The following DBNL variants were observed in gnomAD, a reference collection of about 807,000 sequenced individuals.
DBNL encodes drebrin like.
DBNL carries 35 observed loss-of-function variants against 62.2 expected under a neutral mutation model. That is an observed-to-expected ratio of 0.56 (90% confidence interval 0.43 to 0.75). The LOEUF is 0.75. Ranked by LOEUF, DBNL falls within the 30% of genes least tolerant of loss-of-function variation. DBNL has a pLI of 0.00. For missense variants in DBNL, 495 were observed against 578.4 expected, an observed-to-expected ratio of 0.86 and a Z score of 1.48; for synonymous variants, 197 against 218.0, an observed-to-expected ratio of 0.90 and a Z score of 0.85.
At chr7:44,049,219 C>T (rs763505547) in intron 1 of DBNL, among the ~76,000 whole-genome samples, 4 of 152,030 alleles carry the variant, frequency 2.6e-5, no homozygotes, top group African/African-American at 9.7e-5. Context: ...TGCAGTGGCG[C>T]GATCTTGGCT....
chr7:44,058,657 C>A, intron 8 of DBNL, 177 bp downstream of exon 8: 1 of 960,432 alleles, frequency 1.0e-6, no homozygotes. Flanking sequence ...AAGGCGGAAG[C>A]GTCGGGCTTG....
At chr7:44,050,173 A>G in intron 1 of DBNL, 52 bp from the exon 2 acceptor site, 1 of 1,593,258 alleles carries the variant, frequency 6.3e-7, no homozygotes, top group Non-Finnish European at 8.6e-7. Flanking sequence ...TACGGTGAGG[A>G]GAGATGGAAC....
Position 44,063,779 on chromosome 7 carries a change from A to C in DBNL, c.*2863A>C, listed in dbSNP as rs1008658808. On this transcript the variant is annotated 3_prime_UTR_variant, in exon 13 of 13. Coordinates refer to ENST00000448521, the MANE Select transcript of DBNL (RefSeq NM_001014436.3). ...ACCCCTGCTCCGTGCAGGAGGGTTT[A>C]AGAAAATGTTCTCTGGGGAGTCAGA... 2.6e-5 allele frequency: 4 copies of C among 152,428 alleles called. No homozygotes were observed. Among genetic ancestry groups the C allele is most frequent in the African/African-American group, 9.6e-5 (4 of 41,468 alleles). The allele number at this position is 152,428 out of a possible 1,614,324, so 9.4% of individuals were successfully genotyped here. A position where few individuals can be genotyped will look rare whatever the true frequency, so the allele number is the denominator to read the frequency against.
rs769419798 is a variant in DBNL, at chr7:44,060,945, C to T, written c.*29C>T. On this transcript the variant is annotated 3_prime_UTR_variant, in exon 13 of 13. Coordinates refer to ENST00000448521, the MANE Select transcript of DBNL (RefSeq NM_001014436.3). The surrounding 1 kb of genome is among the most constrained non-coding windows in gnomAD (Gnocchi z 6.3). Reference sequence around the variant, plus strand: ...TGAGGGCACATCTTGCCCTTCCCCTCTCAGACATGGCTTCCTTATTGCTGG... The same window carrying T: ...TGAGGGCACATCTTGCCCTTCCCCTTTCAGACATGGCTTCCTTATTGCTGG... 5 of 1,606,082 alleles carry T rather than the reference C, an allele frequency of 3.1e-6. No homozygotes were observed. Among genetic ancestry groups the T allele is most frequent in the Admixed American group, 1.7e-5 (1 of 59,202 alleles).
rs1215292984 is a variant in DBNL, at chr7:44,065,212, C to G, written c.*4296C>G. The G allele has an allele frequency of 1.9e-6, 3 of 1,613,964 alleles. No individual in the cohort carries two copies. Among genetic ancestry groups the G allele is most frequent in the Non-Finnish European group, 2.5e-6 (3 of 1,180,048 alleles). Reference sequence around the variant, plus strand: ...AGATCTTCACCTGCTCCTCCCCGTGCTTGGCGGCCGTTTCTGCCTTGTTGA... The same window carrying G: ...AGATCTTCACCTGCTCCTCCCCGTGGTTGGCGGCCGTTTCTGCCTTGTTGA... On this transcript the variant is annotated 3_prime_UTR_variant, in exon 13 of 13. Coordinates refer to ENST00000448521, the MANE Select transcript of DBNL (RefSeq NM_001014436.3).
chr7:44,055,614 G>A (rs990383084), intron 4 of DBNL, among the ~76,000 whole-genome samples: 17 of 152,326 alleles, frequency 1.1e-4, no homozygotes, highest in South Asian at 6.2e-4. Context: ...ACTGTGGTGA[G>A]ATGATAGCCC....
rs945477749 is a variant in DBNL, at chr7:44,064,088, C to T, written c.*3172C>T. 6.6e-6 allele frequency: 1 copy of T among 152,556 alleles called. No individual in the cohort carries two copies. The highest frequency in any genetic ancestry group is 1.5e-5 in the Non-Finnish European group (1 of 68,288). The allele number at this position is 152,556 out of a possible 1,614,324, so 9.5% of individuals were successfully genotyped here. On this transcript the variant is annotated 3_prime_UTR_variant, in exon 13 of 13. Coordinates refer to ENST00000448521, the MANE Select transcript of DBNL (RefSeq NM_001014436.3). ...CCCTTCTAGCCTTTCCAGGACTCAA[C>T]AAGCTTTAAGGTCATTCAGATGCTA...
chr7:44,063,165 G>A lies in DBNL; in HGVS notation c.*2249G>A, dbSNP rs2096152332. The A allele has an allele frequency of 1.8e-6, 1 of 570,078 alleles. No homozygotes were observed. Among genetic ancestry groups the A allele is most frequent in the East Asian group, 3.2e-5 (1 of 31,168 alleles). The allele number at this position is 570,078 out of a possible 1,614,324, so 35.3% of individuals were successfully genotyped here. On this transcript the variant is annotated 3_prime_UTR_variant, in exon 13 of 13. Transcript: ENST00000448521. ...AAATGGGGACTTCAGCCCCACCCAA[G>A]TGGCTGTGATCTGTGGTGGTGCTGT...
intron 4 of DBNL, among the ~76,000 whole-genome samples, chr7:44,055,203 C>T (rs1039104954): frequency 3.3e-5 from 5 of 152,210 alleles, no homozygotes; most frequent in Admixed American, 1.3e-4. Flanking sequence ...CGATGGCTCA[C>T]GCCTGTAATC....
intron 3 of DBNL, 84 bp downstream of exon 3, chr7:44,052,026 G>A: frequency 8.3e-7 from 1 of 1,207,936 alleles, no homozygotes; most frequent in Non-Finnish European, 1.2e-6. Context: ...CAGGAACAAA[G>A]TGTTTTACTG....
rs141587840 is a variant in DBNL, at chr7:44,067,354, T to C, written c.*6438T>C. ...CAAGTCACTTGCAGCTGTGTAGGAG[T>C]GGAAGTAGAAGCTGAGTACCCTGCA... On this transcript the variant is annotated 3_prime_UTR_variant, in exon 13 of 13. Transcript: ENST00000448521. The C allele has an allele frequency of 2.6e-5, 4 of 151,818 alleles. No homozygotes were observed. Among genetic ancestry groups the C allele is most frequent in the Admixed American group, 6.6e-5 (1 of 15,240 alleles). 9.4% of individuals were successfully genotyped at this position (151,818 alleles called of 1,614,324 possible).
At chr7:44,051,513 G>A (rs968918066) in intron 2 of DBNL, 4 of 214,030 alleles carry the variant, frequency 1.9e-5, no homozygotes, top group Non-Finnish European at 2.8e-5. Context: ...CTGGTTTGCC[G>A]TGGAAATGAC....
rs184239571 is a variant in DBNL, at chr7:44,045,559, G to A, written c.83+739G>A. Among the ~76,000 whole-genome samples the A allele has an allele frequency of 8.5e-5, 13 of 152,344 alleles. No individual in the cohort carries two copies. The East Asian group carries it at 2.5e-3, about 29-fold the overall frequency. On this transcript the variant is annotated intron_variant, in intron 1 of 12. Coordinates refer to ENST00000448521, the MANE Select transcript of DBNL (RefSeq NM_001014436.3). ...ACCAGTTTTGAGAAATCCCAGTTCTGAGAAATATGCTGAGTATGGTGGGCT... is the reference window on the plus strand; with the variant it reads ...ACCAGTTTTGAGAAATCCCAGTTCTAAGAAATATGCTGAGTATGGTGGGCT...
At chr7:44,049,858 T>A (rs58367038) in intron 1 of DBNL, 6,003 of 199,000 alleles carry the variant, frequency 0.03, 357 homozygotes, top group African/African-American at 0.13. Flanking sequence ...TCTCTTCAAA[T>A]CCATATACCT....
chr7:44,044,885 A>C, intron 1 of DBNL, 65 bp downstream of exon 1: 1 of 1,199,498 alleles, frequency 8.3e-7, no homozygotes, highest in Non-Finnish European at 1.1e-6. Flanking sequence ...GTCTGGGGCG[A>C]GCGGGGGACT....
Position 44,063,775 on chromosome 7 carries a change from G to A in DBNL, c.*2859G>A, listed in dbSNP as rs1375620545. On this transcript the variant is annotated 3_prime_UTR_variant, in exon 13 of 13. Coordinates refer to ENST00000448521, the MANE Select transcript of DBNL (RefSeq NM_001014436.3). ...CTCCACCCCTGCTCCGTGCAGGAGGGTTTAAGAAAATGTTCTCTGGGGAGT... is the reference window on the plus strand; with the variant it reads ...CTCCACCCCTGCTCCGTGCAGGAGGATTTAAGAAAATGTTCTCTGGGGAGT... The A allele has an allele frequency of 1.3e-5, 2 of 152,490 alleles. No homozygotes were observed. Among genetic ancestry groups the A allele is most frequent in the Non-Finnish European group, 2.9e-5 (2 of 68,238 alleles). 9.4% of individuals were successfully genotyped at this position (152,490 alleles called of 1,614,324 possible).
At position 44,063,028 on chromosome 7, in the gene DBNL, C is replaced by A; in HGVS notation, c.*2112C>A. 1 of 1,317,342 alleles carries A rather than the reference C, an allele frequency of 7.6e-7. No individual in the cohort carries two copies. The highest frequency in any genetic ancestry group is 2.3e-5 in the East Asian group (1 of 43,184). The allele number at this position is 1,317,342 out of a possible 1,614,324, so 81.6% of individuals were successfully genotyped here. A position where few individuals can be genotyped will look rare whatever the true frequency, so the allele number is the denominator to read the frequency against. ...TTTATGGTCCACAGAGCCAGTTCCCCTGGCACCAATTCCTTCCCAGCCCTG... is the reference window on the plus strand; with the variant it reads ...TTTATGGTCCACAGAGCCAGTTCCCATGGCACCAATTCCTTCCCAGCCCTG... On this transcript the variant is annotated 3_prime_UTR_variant, in exon 13 of 13. Coordinates refer to ENST00000448521, the MANE Select transcript of DBNL (RefSeq NM_001014436.3).
Position 44,065,266 on chromosome 7 carries a change from A to G in DBNL, c.*4350A>G, listed in dbSNP as rs146272559. ...CTGTGAGGCCCCCGTAATGCCGCTC[A>G]TTGAGGCGCCAAGTGCGCACCACAG... On this transcript the variant is annotated 3_prime_UTR_variant, in exon 13 of 13. Transcript: ENST00000448521. The G allele has an allele frequency of 5.0e-5, 80 of 1,613,680 alleles. No individual in the cohort carries two copies. The highest frequency in any genetic ancestry group is 5.8e-5 in the Non-Finnish European group (69 of 1,180,042).
rs1235207288 is a variant in DBNL, at chr7:44,061,730, C to T, written c.*814C>T. 1 of 152,334 alleles carries T rather than the reference C, an allele frequency of 6.6e-6. No individual in the cohort carries two copies. Among genetic ancestry groups the T allele is most frequent in the Non-Finnish European group, 1.5e-5 (1 of 68,130 alleles). The allele number at this position is 152,334 out of a possible 1,614,324, so 9.4% of individuals were successfully genotyped here. ...TTGGACCACGAATTCCCAGTTTGGT[C>T]TACACAGGCTCGCAGCTCTCACCTG... On this transcript the variant is annotated 3_prime_UTR_variant, in exon 13 of 13. Coordinates refer to ENST00000448521, the MANE Select transcript of DBNL (RefSeq NM_001014436.3).
Sources: allele counts gnomAD v4.1 joint callset (sites outside exome capture counted in the v4.1 genomes callset), GRCh38; gene constraint gnomAD v4.1.1; non-coding constraint Gnocchi (gnomAD v3.1); transcripts MANE v1.5; gene names NCBI Gene and HGNC (gene_info 2026-07-23, HGNC 2026-07-21).